FBLN2: variants seen among roughly 807,000 people sequenced by gnomAD.
FBLN2 encodes the protein fibulin-2.
FBLN2 carries 81 observed loss-of-function variants against 123.7 expected under a neutral mutation model. The observed-to-expected ratio is 0.65, with a 90% confidence interval of 0.55 to 0.79. FBLN2 has a LOEUF of 0.79. FBLN2 is among the 30% of genes least tolerant of loss of function. The probability of loss-of-function intolerance (pLI) is 0.00; values close to 1 mark genes in which losing one functional copy is unlikely to be tolerated. For synonymous variants in FBLN2, 699 were observed against 701.4 expected (o/e 1.00, Z 0.05); for missense variants, 1,603 against 1,681.3 (o/e 0.95, Z 0.81).
chr3:13,589,427 T>C (rs1006125712), intron 2 of FBLN2, among the ~76,000 whole-genome samples: 2 of 152,074 alleles, frequency 1.3e-5, no homozygotes, highest in Admixed American at 6.5e-5. Flanking sequence ...CAAGCCCCCT[T>C]TGGTAACTGT....
At chr3:13,622,638 C>A (rs909167007) in intron 9 of FBLN2, among the ~76,000 whole-genome samples, 3 of 152,364 alleles carry the variant, frequency 2.0e-5, no homozygotes, top group African/African-American at 7.2e-5. Context: ...GCACATCGCC[C>A]GGGTTGGTGC....
chr3:13,619,023 C>T lies in FBLN2; in HGVS notation c.2053+6C>T, dbSNP rs761592568. On this transcript the variant is annotated splice_donor_region_variant and intron_variant, in intron 7 of 17. Transcript: ENST00000404922. ...GCAGCCCAATACCTGCAAAGGTAAG[C>T]AGTGTGGGTGGTGTCTCCAGGACAG... is the stretch of plus-strand genomic sequence containing the variant. 3.1e-6 allele frequency: 5 copies of T among 1,599,646 alleles called. No individual in the cohort carries two copies. The Admixed American group carries it at 5.1e-5, about 16-fold the overall frequency.
chr3:13,596,763 A>G (rs1444666219), intron 2 of FBLN2, among the ~76,000 whole-genome samples: 3 of 151,466 alleles, frequency 2.0e-5, no homozygotes, highest in African/African-American at 4.8e-5. Flanking sequence ...TTCTGTCTCT[A>G]TGAATTGACT....
At position 13,618,280 on chromosome 3, in the gene FBLN2, G is replaced by A. The variant is rs373004019; in HGVS notation, c.1934G>A (p.Arg645His). ...FSLQDDGRTC[R>H]PEGHPPQPEA... ...CTGCAGGACGATGGCCGCACTTGCC[G>A]CCCAGGTAAGGGCCCTGATGGCCAG... Residue 645 changes from arginine (R) to histidine (H), a missense_variant, in exon 6 of 18, where the codon CGC becomes CAC. Arg to His is a conservative substitution (Grantham distance 29). Coordinates refer to ENST00000404922, the MANE Select transcript of FBLN2 (RefSeq NM_001004019.2). 1.6e-5 allele frequency: 26 copies of A among 1,613,606 alleles called. No homozygotes were observed. The highest frequency in any genetic ancestry group is 4.0e-5 in the African/African-American group (3 of 74,946).
rs569579187 is a variant in FBLN2 at position 13,577,149 on chromosome 3, G to A, written c.1306+5488G>A. ...GAGGCAGGAGAATCGCTTGAACCCG[G>A]GAGGCAGAGGTTGCAGTGAGCCGAG... On this transcript the variant is annotated intron_variant, in intron 2 of 17. Transcript: ENST00000404922. Among the ~76,000 whole-genome samples, 3 of 151,930 alleles carry A rather than the reference G, an allele frequency of 2.0e-5. No homozygotes were observed. In the South Asian group the frequency reaches 6.3e-4, roughly 32 times the overall value.
At chr3:13,557,947 G>A (rs1197930963) in intron 1 of FBLN2, among the ~76,000 whole-genome samples, 1 of 152,230 alleles carries the variant, frequency 6.6e-6, no homozygotes, top group East Asian at 1.9e-4. Flanking sequence ...GGCAGCAGGG[G>A]CTGACTGCCT....
Position 13,587,885 on chromosome 3 carries a change from G to T in FBLN2, c.1306+16224G>T, listed in dbSNP as rs141889156. On this transcript the variant is annotated intron_variant, in intron 2 of 17. Coordinates refer to ENST00000404922, the MANE Select transcript of FBLN2 (RefSeq NM_001004019.2). The stretch of plus-strand genomic sequence containing the variant: ...GCACCCCCCAATCTTGCTTTGAGTT[G>T]TCCTGCCTTTCTGGACCAAACTAAT... Among the ~76,000 whole-genome samples, 4 of 152,292 alleles carry T rather than the reference G, an allele frequency of 2.6e-5. No homozygotes were observed. In the East Asian group the frequency reaches 5.8e-4, roughly 22 times the overall value.
chr3:13,615,633 C>T (rs1192980920), intron 5 of FBLN2, among the ~76,000 whole-genome samples: 1 of 152,208 alleles, frequency 6.6e-6, no homozygotes, highest in African/African-American at 2.4e-5. Context: ...TGATAGGATG[C>T]CTGTCAAGGG....
chr3:13,626,442 C>G lies in FBLN2; in HGVS notation c.2297-3C>G. 2.5e-6 allele frequency: 4 copies of G among 1,577,086 alleles called. No individual in the cohort carries two copies. Among genetic ancestry groups the G allele is most frequent in the Non-Finnish European group, 3.5e-6 (4 of 1,159,382 alleles). ...GCCTCTGATGGCCTCGCTCTCCCTGCAGACATCAACGAGTGTGTGACGGAC... is the reference window on the plus strand; with the variant it reads ...GCCTCTGATGGCCTCGCTCTCCCTGGAGACATCAACGAGTGTGTGACGGAC... On this transcript the variant is annotated splice_polypyrimidine_tract_variant and splice_region_variant and intron_variant, in intron 9 of 17. Transcript: ENST00000404922.
At chr3:13,590,884 C>T (rs552922639) in intron 2 of FBLN2, among the ~76,000 whole-genome samples, 2 of 152,334 alleles carry the variant, frequency 1.3e-5, no homozygotes, top group African/African-American at 4.8e-5. Context: ...TTCTCGTCTG[C>T]GTCTTTGGAA....
chr3:13,587,001 C>G (rs1256579376), intron 2 of FBLN2, among the ~76,000 whole-genome samples: 1 of 151,182 alleles, frequency 6.6e-6, no homozygotes, highest in East Asian at 2.0e-4. Context: ...AAAAATTAGC[C>G]GGTCACAGTG....
Position 13,570,510 on chromosome 3 carries a change from G to A in FBLN2, c.155G>A (p.Gly52Asp), listed in dbSNP as rs375714918. ...ENCIEEALEP[G>D]ACCATCVQQG... ...TGCATTGAGGAGGCGCTGGAGCCGG[G>A]TGCCTGCTGTGCCACGTGTGTGCAG... Residue 52 changes from glycine (G) to aspartate (D), a missense_variant, in exon 2 of 18, where the codon GGT becomes GAT. Transcript: ENST00000404922. 1.6e-5 allele frequency: 25 copies of A among 1,585,820 alleles called. 1 individual carries two copies. Among genetic ancestry groups the A allele is most frequent in the Admixed American group, 8.8e-5 (5 of 56,694 alleles).
chr3:13,609,688 G>GGGGGCC (rs2124880949), intron 4 of FBLN2, 46 bp downstream of exon 4: 6 of 512,586 alleles, frequency 1.2e-5, no homozygotes, highest in East Asian at 6.7e-5. Flanking sequence ...GTGGGGCGGG[G>GGGGGCC]CGGGAGGCTG....
intron 4 of FBLN2, 130 bp downstream of exon 4, chr3:13,609,772 G>A (rs762298648): frequency 7.6e-6 from 8 of 1,047,668 alleles, no homozygotes; most frequent in Non-Finnish European, 1.1e-5. Flanking sequence ...TGACCCTCAC[G>A]CCTGGGGTGG....
chr3:13,627,757 A>G, intron 10 of FBLN2, 75 bp from the exon 11 acceptor site: 4 of 1,490,020 alleles, frequency 2.7e-6, no homozygotes, highest in Non-Finnish European at 3.6e-6. Flanking sequence ...GAGGGCGGGG[A>G]TGTGTGGGCA....
At chr3:13,634,962 C>T (rs1386590884) in intron 16 of FBLN2, among the ~76,000 whole-genome samples, 1 of 152,198 alleles carries the variant, frequency 6.6e-6, no homozygotes, top group Non-Finnish European at 1.5e-5. Context: ...GGTATTATTA[C>T]TATTATGTTG....
In FBLN2 at chr3:13,637,850, C is replaced by T; in HGVS notation, c.3627C>T (p.Leu1209=). Reference sequence around the variant, plus strand: ...TTGCCCTGGACGTGGAGATGAAGCTCTGGAGGCAGGGCTCCGTCACCACCT... The same window carrying T: ...TTGCCCTGGACGTGGAGATGAAGCTTTGGAGGCAGGGCTCCGTCACCACCT... ...RDFALDVEMK[L]WRQGSVTTFL... is the part of the protein sequence containing the mutation. The change falls in exon 18 of 18, where the codon CTC becomes CTT. Residue 1209 remains leucine, a synonymous_variant. Coordinates refer to ENST00000404922, the MANE Select transcript of FBLN2 (RefSeq NM_001004019.2). The T allele has an allele frequency of 6.2e-7, 1 of 1,612,696 alleles. No homozygotes were observed. The highest frequency in any genetic ancestry group is 8.5e-7 in the Non-Finnish European group (1 of 1,178,952).
chr3:13,610,390 C>A (rs1039687573), intron 4 of FBLN2, among the ~76,000 whole-genome samples: 1 of 152,148 alleles, frequency 6.6e-6, no homozygotes, highest in Non-Finnish European at 1.5e-5. Context: ...GGGTGTTTCT[C>A]TCACATGGGA....
intron 2 of FBLN2, among the ~76,000 whole-genome samples, chr3:13,605,629 A>G (rs1328047319): frequency 1.3e-5 from 2 of 152,030 alleles, no homozygotes; most frequent in African/African-American, 2.4e-5. Flanking sequence ...GCTGTCCGCA[A>G]CCCCTTTCCA....
Sources: allele counts gnomAD v4.1 joint callset (sites outside exome capture counted in the v4.1 genomes callset), GRCh38; gene constraint gnomAD v4.1.1; transcripts MANE v1.5; gene names NCBI Gene and HGNC (gene_info 2026-07-23, HGNC 2026-07-21).